The following MTHFD2L variants were observed in gnomAD, a reference collection of about 807,000 sequenced individuals.
MTHFD2L encodes the protein methylenetetrahydrofolate dehydrogenase (NADP+ dependent) 2 like.
Under a neutral mutation model 34.9 loss-of-function variants are expected in MTHFD2L, and 29 were observed. That is an observed-to-expected ratio of 0.83 (90% CI 0.62 to 1.13). MTHFD2L has a LOEUF of 1.13. Ranked by LOEUF, MTHFD2L falls within the 50% of genes most tolerant of loss-of-function variation. The pLI is 0.00. For synonymous variants in MTHFD2L, 167 were observed against 155.7 expected (o/e 1.07, Z -0.54); for missense variants, 481 against 446.5 (o/e 1.08, Z -0.70).
chr4:74,216,219 T>A (rs1737185990), intron 5 of MTHFD2L, among the ~76,000 whole-genome samples: 1 of 151,814 alleles, frequency 6.6e-6, no homozygotes, highest in South Asian at 2.1e-4. Flanking sequence ...ACATTACTCT[T>A]CCTTCCCTAA....
chr4:74,155,480 C>T (rs904304450), upstream of MTHFD2L, among the ~76,000 whole-genome samples: 1 of 152,000 alleles, frequency 6.6e-6, no homozygotes, highest in Non-Finnish European at 1.5e-5. Flanking sequence ...TTAAGTTTTG[C>T]TAACTGATCA....
chr4:74,266,718 G>A, intron 6 of MTHFD2L: 1 of 302,966 alleles, frequency 3.3e-6, no homozygotes, highest in African/African-American at 2.3e-5. Flanking sequence ...TTGAAATCTT[G>A]AAGCTAAGAA....
At chr4:74,164,091 G>A (rs756266779) in intron 1 of MTHFD2L, among the ~76,000 whole-genome samples, 12 of 152,126 alleles carry the variant, frequency 7.9e-5, no homozygotes, top group Non-Finnish European at 1.8e-4. Context: ...TAGCCAGGAT[G>A]CGTCTTGATC....
rs79570818 is a variant in MTHFD2L, at chr4:74,133,144, A to G, written c.-297+7627A>G. The stretch of plus-strand genomic sequence containing the variant: ...AATTTCTCTTTGTTAATGCTGCCCT[A>G]TTTCCTTCTGGCCTACATGGTTTCC... On this transcript the variant is annotated intron_variant, in intron 1 of 7. Coordinates refer to the MTHFD2L transcript ENST00000433372. 6.0e-3 allele frequency among the ~76,000 whole-genome samples: 915 copies of G among 152,210 alleles called. 10 individuals are homozygous for G. Among genetic ancestry groups the G allele is most frequent in the African/African-American group, 0.021 (871 of 41,524 alleles).
At chr4:74,185,151 CAA>C (rs1169021073) in intron 3 of MTHFD2L, among the ~76,000 whole-genome samples, 3 of 15,980 alleles carry the variant, frequency 1.9e-4, no homozygotes, top group African/African-American at 4.0e-4. Flanking sequence ...GACTCCATCT[CAA>C]AAAAAAAAAA....
At chr4:74,224,753 T>C (rs1189738747) in intron 5 of MTHFD2L, among the ~76,000 whole-genome samples, 4 of 152,168 alleles carry the variant, frequency 2.6e-5, no homozygotes, top group African/African-American at 9.7e-5. Flanking sequence ...AGTTTTTTCC[T>C]GCTATTCTTT....
chr4:74,189,175 G>C (rs1731984016), intron 3 of MTHFD2L, among the ~76,000 whole-genome samples: 1 of 151,962 alleles, frequency 6.6e-6, no homozygotes, highest in Admixed American at 6.6e-5. Flanking sequence ...ATTGTGTTTG[G>C]ACCAATATTG....
intron 6 of MTHFD2L, among the ~76,000 whole-genome samples, chr4:74,255,699 G>C: frequency 6.6e-6 from 1 of 152,072 alleles, no homozygotes; most frequent in East Asian, 1.9e-4. Flanking sequence ...TTATGTTCAT[G>C]ATTACCTAAT....
intron 1 of MTHFD2L, among the ~76,000 whole-genome samples, chr4:74,137,815 G>A (rs1458406004): frequency 6.6e-6 from 1 of 152,074 alleles, no homozygotes; most frequent in African/African-American, 2.4e-5. Context: ...CAACATGGAT[G>A]GAACTTGAGA....
chr4:74,270,697 G>A (rs190151843), intron 6 of MTHFD2L, among the ~76,000 whole-genome samples: 4 of 152,216 alleles, frequency 2.6e-5, no homozygotes, highest in East Asian at 3.9e-4. Flanking sequence ...GTAATGGGAC[G>A]GCTGAGTCAA....
In MTHFD2L at chr4:74,252,646, C is replaced by T. The variant is rs149773980; in HGVS notation, c.805+27252C>T. 4.5e-3 allele frequency among the ~76,000 whole-genome samples: 689 copies of T among 151,932 alleles called. 6 individuals carry two copies. Among genetic ancestry groups the T allele is most frequent in the South Asian group, 0.041 (196 of 4,824 alleles). ...AAAATAAAACTTTAACACTAAATAG[C>T]AATATGAACACAACAGAAAATAAAT... On this transcript the variant is annotated intron_variant, in intron 6 of 7. Transcript: ENST00000325278.
chr4:74,283,953 A>G (rs569474383), intron 7 of MTHFD2L, among the ~76,000 whole-genome samples: 10 of 152,158 alleles, frequency 6.6e-5, no homozygotes, highest in Non-Finnish European at 1.3e-4. Flanking sequence ...TATGCCACAA[A>G]ACTCATAAGT....
rs868148296 is a variant in MTHFD2L, at chr4:74,141,567, T to C, written c.-297+16050T>C. Among the ~76,000 whole-genome samples the C allele has an allele frequency of 2.6e-5, 4 of 152,210 alleles. No homozygotes were observed. In the South Asian group the frequency reaches 6.2e-4, roughly 24 times the overall value. ...CTAACCCTCCAAGGTCTTCCTTCCT[T>C]TAGTCCATTTACTCATTCATTCATT... On this transcript the variant is annotated intron_variant, in intron 1 of 7. Transcript: ENST00000433372.
chr4:74,177,468 TAAGAG>T (rs1371848867), intron 3 of MTHFD2L, among the ~76,000 whole-genome samples: 2 of 151,932 alleles, frequency 1.3e-5, no homozygotes, highest in Non-Finnish European at 2.9e-5. Flanking sequence ...AGACATTTCT[TAAGAG>T]AAGACATACA....
At chr4:74,165,094 T>C (rs1726384128) in intron 1 of MTHFD2L, 1 of 459,702 alleles carries the variant, frequency 2.2e-6, no homozygotes, top group Admixed American at 6.4e-5. Flanking sequence ...GGGGCACGAA[T>C]GTAATGAAAA....
rs575587084 is a variant in MTHFD2L at position 74,133,732 on chromosome 4, T to G, written c.-297+8215T>G. The stretch of plus-strand genomic sequence containing the variant: ...ATCTGAATTGTTTTTCTATGTTATC[T>G]TGTAGGTCACTGAGTTTCCTTAAAA... On this transcript the variant is annotated intron_variant, in intron 1 of 7. Transcript: ENST00000433372. Among the ~76,000 whole-genome samples, 378 of 152,354 alleles carry G rather than the reference T, an allele frequency of 2.5e-3. 2 individuals carry two copies. The highest frequency in any genetic ancestry group is 3.4e-3 in the Middle Eastern group (1 of 294).
intron 5 of MTHFD2L, among the ~76,000 whole-genome samples, chr4:74,219,558 A>T (rs1737792420): frequency 1.3e-5 from 2 of 152,146 alleles, no homozygotes; most frequent in African/African-American, 2.4e-5. Flanking sequence ...AATTGAATAT[A>T]GGAATGACAA....
intron 3 of MTHFD2L, among the ~76,000 whole-genome samples, chr4:74,177,190 T>C (rs2109968203): frequency 6.6e-6 from 1 of 152,090 alleles, no homozygotes; most frequent in Non-Finnish European, 1.5e-5. Flanking sequence ...CGTGCAGCAC[T>C]CTTATATCAT....
chr4:74,221,288 G>A lies in MTHFD2L; in HGVS notation c.713-4014G>A, dbSNP rs566292266. 2.6e-5 allele frequency among the ~76,000 whole-genome samples: 4 copies of A among 151,484 alleles called. No individual in the cohort carries two copies. The Middle Eastern group carries it at 0.014, about 549-fold the overall frequency. Reference sequence around the variant, plus strand: ...AATGTATTATTTATTTTCTGAGTTTGATATAGTCATATATATAACATTAGT... The same window carrying A: ...AATGTATTATTTATTTTCTGAGTTTAATATAGTCATATATATAACATTAGT... On this transcript the variant is annotated intron_variant, in intron 5 of 7. Coordinates refer to ENST00000325278, the MANE Select transcript of MTHFD2L (RefSeq NM_001144978.3).
Sources: gnomAD v4.1 joint callset for allele counts (sites outside exome capture counted in the v4.1 genomes callset) on GRCh38, gnomAD v4.1.1 for gene constraint, MANE v1.5 for transcripts, NCBI Gene and HGNC (gene_info 2026-07-23, HGNC 2026-07-21) for gene names.